Variants in TEAD3 observed in about 807,000 individuals in gnomAD.
TEAD3 encodes the protein transcriptional enhancer factor TEF-5.
TEAD3 carries 15 observed loss-of-function variants against 55.6 expected under a neutral mutation model. That is an observed-to-expected ratio of 0.27 (90% CI 0.18 to 0.42). The LOEUF (loss-of-function observed/expected upper bound fraction) is 0.42, where lower values mean the gene tolerates loss of function less well. TEAD3 is among the 10% of genes least tolerant of loss of function. TEAD3 has a pLI of 1.00. For missense variants in TEAD3, 407 were observed against 576.8 expected (o/e 0.71, Z 3.01); for synonymous variants, 210 against 232.2 (o/e 0.90, Z 0.87).
Position 35,496,638 on chromosome 6 carries a change from G to A in TEAD3, c.-50+260C>T, listed in dbSNP as rs1001022953. ...GGACAGGCGACGGCACAGGGGACAC[G>A]GTCTCCCCGGCTTCCCCACCTTCCC... On this transcript the variant is annotated intron_variant, in intron 1 of 12. Coordinates refer to ENST00000639578, the Ensembl canonical transcript of TEAD3. The surrounding 1 kb of genome is among the most constrained non-coding windows in gnomAD (Gnocchi z 4.8). 6.6e-6 allele frequency among the ~76,000 whole-genome samples: 1 copy of A among 152,170 alleles called. No individual in the cohort carries two copies. The highest frequency in any genetic ancestry group is 1.5e-5 in the Non-Finnish European group (1 of 68,008).
intron 9 of TEAD3, 21 bp downstream of exon 9, chr6:35,476,281 C>T (rs1481048882): frequency 6.2e-7 from 1 of 1,609,288 alleles, no homozygotes; most frequent in Non-Finnish European, 8.5e-7. Context: ...AAAGCCTCAC[C>T]CTCACCCCCA....
At chr6:35,492,380 G>C (rs1014403179) in intron 1 of TEAD3, among the ~76,000 whole-genome samples, 5 of 152,014 alleles carry the variant, frequency 3.3e-5, no homozygotes, top group African/African-American at 7.2e-5. Context: ...GCTGCCAGAA[G>C]CTCCCACCCT....
intron 3 of TEAD3, among the ~76,000 whole-genome samples, chr6:35,482,954 C>T (rs771485587): frequency 3.3e-5 from 5 of 152,154 alleles, no homozygotes; most frequent in Non-Finnish European, 7.4e-5. Flanking sequence ...TCTTCTGCAG[C>T]GCTTACGCTG....
rs941895537 is a variant in TEAD3 at position 35,496,523 on chromosome 6, G to A, written c.-50+375C>T. On this transcript the variant is annotated intron_variant, in intron 1 of 12. Transcript: ENST00000639578. The surrounding 1 kb of genome is among the most constrained non-coding windows in gnomAD (Gnocchi z 4.8). ...AGGGCGGCGGGGCCCGGGACTGGGC[G>A]CCCCGGATATGAGCTCCAGGGTGGC... Among the ~76,000 whole-genome samples, 1 of 152,042 alleles carries A rather than the reference G, an allele frequency of 6.6e-6. No individual in the cohort carries two copies. The highest frequency in any genetic ancestry group is 2.4e-5 in the African/African-American group (1 of 41,416).
intron 1 of TEAD3, among the ~76,000 whole-genome samples, chr6:35,492,973 T>G (rs1768560699): frequency 6.6e-6 from 1 of 152,078 alleles, no homozygotes; most frequent in Non-Finnish European, 1.5e-5. Flanking sequence ...GTTTCTCAGT[T>G]CTCAGTTACC....
intron 5 of TEAD3, 47 bp from the exon 6 acceptor site, chr6:35,478,618 C>T: frequency 1.3e-6 from 2 of 1,546,944 alleles, no homozygotes; most frequent in Non-Finnish European, 1.7e-6. Flanking sequence ...TGGATGAGGC[C>T]AGGCTTGCTT....
intron 1 of TEAD3, among the ~76,000 whole-genome samples, chr6:35,495,528 T>G (rs529669130): frequency 6.6e-6 from 1 of 152,208 alleles, no homozygotes; most frequent in African/African-American, 2.4e-5. Context: ...CTGGACAGCC[T>G]TGTCCTGGAA....
chr6:35,484,508 C>A lies in TEAD3; in HGVS notation c.267+52G>T. ...GGTAGGGGCAAGGGGTTGACCGGGGCAGCTGAGACAGAGTGTGTGGGTGGC... is the reference window on the plus strand; with the variant it reads ...GGTAGGGGCAAGGGGTTGACCGGGGAAGCTGAGACAGAGTGTGTGGGTGGC... On this transcript the variant is annotated intron_variant, in intron 3 of 12. Coordinates refer to ENST00000639578, the Ensembl canonical transcript of TEAD3. This position sits in a 1 kb window ranked among gnomAD's most constrained non-coding sequence, Gnocchi z 5.8. 6.5e-7 allele frequency: 1 copy of A among 1,544,630 alleles called. No individual in the cohort carries two copies.
chr6:35,475,471 C>T lies in TEAD3; in HGVS notation c.1059G>A (p.Leu353=). ...TACGGTACACAAAGCGCCCGTTCTC[C>T]AGCCTGGCATACTCAGTCTGCAGAG... Residue 353 remains leucine (L), a synonymous_variant, in exon 12 of 13, where the codon CTG becomes CTA. Transcript: ENST00000639578. This position sits in a 1 kb window ranked among gnomAD's most constrained non-coding sequence, Gnocchi z 5.4. The T allele has an allele frequency of 6.2e-7, 1 of 1,613,124 alleles. No individual in the cohort carries two copies. Among genetic ancestry groups the T allele is most frequent in the South Asian group, 1.1e-5 (1 of 91,064 alleles).
At position 35,475,394 on chromosome 6, in the gene TEAD3, T is replaced by C; in HGVS notation, c.1136A>G (p.Lys379Arg). 1 of 1,614,108 alleles carries C rather than the reference T, an allele frequency of 6.2e-7. No homozygotes were observed. The highest frequency in any genetic ancestry group is 8.5e-7 in the Non-Finnish European group (1 of 1,180,000). Reference sequence around the variant, plus strand: ...CATCATGTACTTCTCGGGCAGGTGCTTCAGCTTGTGGATGAAGTTGATCAT... The same window carrying C: ...CATCATGTACTTCTCGGGCAGGTGCCTCAGCTTGTGGATGAAGTTGATCAT... Residue 379 changes from lysine to arginine, a missense_variant, in exon 12 of 13, where the codon AAG becomes AGG. Lys to Arg is a conservative substitution (Grantham distance 26). Transcript: ENST00000639578. The surrounding 1 kb of genome is among the most constrained non-coding windows in gnomAD (Gnocchi z 5.4).
chr6:35,476,377 G>A (rs1768148490), exon 9 of TEAD3: 1 of 1,612,984 alleles, frequency 6.2e-7, no homozygotes, highest in Non-Finnish European at 8.5e-7. Context: ...CAATGGTACG[G>A]TCCTGCCACA....
Position 35,475,881 on chromosome 6 carries a change from G to C in TEAD3, c.900+38C>G. ...CTGGATGTTGCACCTCTGGGGTGGG[G>C]AAGGGGGCTTGGAGCAGAGAAGGCC... On this transcript the variant is annotated intron_variant, in intron 10 of 12. Transcript: ENST00000639578. The surrounding 1 kb of genome is among the most constrained non-coding windows in gnomAD (Gnocchi z 5.4). The C allele has an allele frequency of 6.6e-7, 1 of 1,509,892 alleles. No individual in the cohort carries two copies. Among genetic ancestry groups the C allele is most frequent in the African/African-American group, 1.4e-5 (1 of 71,802 alleles). 93.5% of individuals were successfully genotyped at this position (1,509,892 alleles called of 1,614,324 possible).
At chr6:35,492,259 G>T (rs1033368250) in intron 1 of TEAD3, among the ~76,000 whole-genome samples, 1 of 152,228 alleles carries the variant, frequency 6.6e-6, no homozygotes, top group African/African-American at 2.4e-5. Flanking sequence ...GACCAGCCGG[G>T]GGGGTCGAGG....
At chr6:35,494,971 C>A (rs1768610246) in intron 1 of TEAD3, among the ~76,000 whole-genome samples, 1 of 152,098 alleles carries the variant, frequency 6.6e-6, no homozygotes, top group Non-Finnish European at 1.5e-5. Context: ...GGATCACCCA[C>A]CCGCCTCTCC....
rs749620732 is a variant in TEAD3, at chr6:35,496,234, G to A, written c.-50+664C>T. Reference sequence around the variant, plus strand: ...AAAGGCCCCAAATCCAGACCCCTCCGAGCCAAGCTCACAGCGCTCAGGGCT... The same window carrying A: ...AAAGGCCCCAAATCCAGACCCCTCCAAGCCAAGCTCACAGCGCTCAGGGCT... On this transcript the variant is annotated intron_variant, in intron 1 of 12. Transcript: ENST00000639578. The surrounding 1 kb of genome is among the most constrained non-coding windows in gnomAD (Gnocchi z 4.8). Among the ~76,000 whole-genome samples the A allele has an allele frequency of 1.3e-5, 2 of 152,182 alleles. No homozygotes were observed. Among genetic ancestry groups the A allele is most frequent in the African/African-American group, 4.8e-5 (2 of 41,450 alleles).
chr6:35,489,396 G>A (rs527722074), intron 1 of TEAD3, among the ~76,000 whole-genome samples: 1 of 152,262 alleles, frequency 6.6e-6, no homozygotes, highest in South Asian at 2.1e-4. Flanking sequence ...TTATAGGGAG[G>A]GTGCTGAGAG....
chr6:35,474,016 T>G (rs374334389), downstream of TEAD3: 2 of 152,236 alleles, frequency 1.3e-5, no homozygotes, highest in East Asian at 3.9e-4. Context: ...GGCAGGTAGA[T>G]TGAGGTGGGG....
chr6:35,476,583 A>C, intron 8 of TEAD3, 148 bp from the exon 9 acceptor site: 1 of 927,668 alleles, frequency 1.1e-6, no homozygotes, highest in Non-Finnish European at 1.6e-6. Context: ...ACAGTGTACA[A>C]CCTGCACAAC....
At position 35,495,833 on chromosome 6, in the gene TEAD3, T is replaced by A. The variant is rs564922963; in HGVS notation, c.-50+1065A>T. 3.9e-5 allele frequency among the ~76,000 whole-genome samples: 6 copies of A among 152,304 alleles called. No individual in the cohort carries two copies. In the East Asian group the frequency reaches 9.6e-4, roughly 24 times the overall value. On this transcript the variant is annotated intron_variant, in intron 1 of 12. Coordinates refer to ENST00000639578, the Ensembl canonical transcript of TEAD3. Reference sequence around the variant, plus strand: ...CTGAGCTGTGTCCAGCCCCTACCCCTATGCCCTGTTCTTCCGGACAACAAG... The same window carrying A: ...CTGAGCTGTGTCCAGCCCCTACCCCAATGCCCTGTTCTTCCGGACAACAAG...
Sources: gnomAD v4.1 joint callset for allele counts (sites outside exome capture counted in the v4.1 genomes callset) on GRCh38, gnomAD v4.1.1 for gene constraint, Gnocchi (gnomAD v3.1) non-coding constraint, MANE v1.5 for transcripts, NCBI Gene and HGNC (gene_info 2026-07-23, HGNC 2026-07-21) for gene names.